Variants in FAM184B observed in about 807,000 individuals in gnomAD.
FAM184B encodes the protein protein FAM184B.
In FAM184B, 111 loss-of-function variants were observed where a neutral mutation model predicts 135.9. The ratio of observed to expected loss-of-function variants is 0.82; its 90% CI spans 0.70 to 0.96. The LOEUF (loss-of-function observed/expected upper bound fraction) is 0.96. Among genes scored for constraint, FAM184B ranks in the 40% least tolerant of loss-of-function variants. The pLI, the probability that FAM184B is intolerant of heterozygous loss-of-function variation, is 0.00. For missense variants in FAM184B, 1,375 were observed against 1,323.9 expected (o/e 1.04, Z -0.60); for synonymous variants, 552 against 524.8 (o/e 1.05, Z -0.71).
intron 1 of FAM184B, among the ~76,000 whole-genome samples, chr4:17,764,767 T>C (rs1718621307): frequency 6.8e-6 from 1 of 146,928 alleles, no homozygotes; most frequent in Non-Finnish European, 1.5e-5. Flanking sequence ...GAGCTTGCAT[T>C]AAAATGCAAA....
chr4:17,733,492 G>A (rs1352773940), intron 1 of FAM184B, among the ~76,000 whole-genome samples: 9 of 152,130 alleles, frequency 5.9e-5, no homozygotes, highest in East Asian at 3.9e-4. Flanking sequence ...AAGTCTCAGG[G>A]TACAAAATCA....
intron 11 of FAM184B, among the ~76,000 whole-genome samples, chr4:17,649,894 G>T (rs1386741531): frequency 2.6e-5 from 2 of 76,686 alleles, no homozygotes; most frequent in Admixed American, 2.7e-4. Context: ...CCATCTATCT[G>T]TCTACCCATC....
At chr4:17,695,244 C>T (rs964172381) in intron 5 of FAM184B, among the ~76,000 whole-genome samples, 2 of 151,818 alleles carry the variant, frequency 1.3e-5, no homozygotes, top group African/African-American at 4.8e-5. Context: ...CTCACTGCAC[C>T]CTTGACCACC....
rs1340129831 is a variant in FAM184B, at chr4:17,630,156, G to A, written c.*2376C>T. ...CTGAGTTTAAGGACAGAAATGCAAA[G>A]TGCAGCCTGGGAAAGTGTTTCAACA... is the stretch of plus-strand genomic sequence containing the variant. On this transcript the variant is annotated 3_prime_UTR_variant, in exon 18 of 18. Transcript: ENST00000265018. 1 of 152,182 alleles carries A rather than the reference G, an allele frequency of 6.6e-6. No homozygotes were observed. The highest frequency in any genetic ancestry group is 1.9e-4 in the East Asian group (1 of 5,194). The allele number at this position is 152,182 out of a possible 1,614,324, so 9.4% of individuals were successfully genotyped here.
chr4:17,697,597 C>A (rs1577265462), intron 5 of FAM184B, among the ~76,000 whole-genome samples: 1 of 152,126 alleles, frequency 6.6e-6, no homozygotes, highest in South Asian at 2.1e-4. Flanking sequence ...AACAAAAATT[C>A]ATTATCTTTA....
At chr4:17,689,998 A>G (rs749243585) in intron 6 of FAM184B, among the ~76,000 whole-genome samples, 4 of 151,952 alleles carry the variant, frequency 2.6e-5, no homozygotes, top group Non-Finnish European at 5.9e-5. Flanking sequence ...AAAATACACA[A>G]TTAGCTGGGC....
At chr4:17,639,147 T>C (rs929730516) in intron 14 of FAM184B, 103 bp downstream of exon 14, 24 of 1,258,712 alleles carry the variant, frequency 1.9e-5, no homozygotes, top group Non-Finnish European at 2.2e-6. Context: ...CCCAGGACTT[T>C]CAATTTGAAA....
intron 1 of FAM184B, among the ~76,000 whole-genome samples, chr4:17,765,797 G>A (rs1029301117): frequency 2.0e-5 from 3 of 152,136 alleles, no homozygotes; most frequent in African/African-American, 7.2e-5. Context: ...ACTTAAAGGT[G>A]GTGTGTCCAG....
At chr4:17,660,354 T>C (rs1448897110) in intron 8 of FAM184B, among the ~76,000 whole-genome samples, 7 of 152,172 alleles carry the variant, frequency 4.6e-5, no homozygotes, top group Non-Finnish European at 8.8e-5. Flanking sequence ...ATATCTGTTT[T>C]AGTGGGTTCT....
In FAM184B at chr4:17,652,146, T is replaced by TTTTTTTTTG. The variant is rs762642185; in HGVS notation, c.2191+683_2191+684insCAAAAAAAA. ...TTTAATATCTTTTTTTTTTTTTTTT[T>TTTTTTTTTG]TTGAGTCTTGCACTGTCGCCCAGGC... On this transcript the variant is annotated intron_variant, in intron 11 of 17. Coordinates refer to ENST00000265018, the MANE Select transcript of FAM184B (RefSeq NM_015688.2). Among the ~76,000 whole-genome samples, 60 of 131,918 alleles carry TTTTTTTTTG rather than the reference T, an allele frequency of 4.5e-4. 1 individual carries two copies. The highest frequency in any genetic ancestry group is 9.4e-4 in the East Asian group (4 of 4,246). 86.5% of individuals were successfully genotyped at this position (131,918 alleles called of 152,430 possible).
At chr4:17,644,153 T>C (rs1436051737) in intron 12 of FAM184B, among the ~76,000 whole-genome samples, 1 of 152,172 alleles carries the variant, frequency 6.6e-6, no homozygotes, top group Non-Finnish European at 1.5e-5. Context: ...ATACAGGTCA[T>C]AATCAGTGGT....
intron 1 of FAM184B, among the ~76,000 whole-genome samples, chr4:17,752,405 G>T (rs986030203): frequency 6.6e-6 from 1 of 152,038 alleles, no homozygotes; most frequent in African/African-American, 2.4e-5. Flanking sequence ...AAGAATGAAT[G>T]GTTGGGTGGG....
At chr4:17,759,593 A>G (rs930145668) in intron 1 of FAM184B, among the ~76,000 whole-genome samples, 2 of 152,000 alleles carry the variant, frequency 1.3e-5, no homozygotes, top group Non-Finnish European at 2.9e-5. Flanking sequence ...CCCAGGTTCA[A>G]GTGATTCTCC....
chr4:17,766,180 A>G (rs886290470), intron 1 of FAM184B, among the ~76,000 whole-genome samples: 1 of 152,168 alleles, frequency 6.6e-6, no homozygotes, highest in Non-Finnish European at 1.5e-5. Context: ...ATCTGGCCAC[A>G]CCCACATCCT....
chr4:17,730,647 C>T (rs1468864285), intron 1 of FAM184B, among the ~76,000 whole-genome samples: 4 of 152,048 alleles, frequency 2.6e-5, no homozygotes, highest in Admixed American at 6.6e-5. Context: ...AAAAACAGAG[C>T]AGAAAAACTG....
intron 1 of FAM184B, among the ~76,000 whole-genome samples, chr4:17,728,245 T>A (rs552917414): frequency 8.4e-4 from 128 of 152,134 alleles, no homozygotes; most frequent in Admixed American, 1.4e-3. Flanking sequence ...ACATTGCATA[T>A]CCATCCACAA....
At chr4:17,724,861 G>A (rs981606116) in intron 1 of FAM184B, among the ~76,000 whole-genome samples, 11 of 152,082 alleles carry the variant, frequency 7.2e-5, no homozygotes, top group Admixed American at 3.9e-4. Flanking sequence ...ACCACCCTTC[G>A]TAGGACTCCT....
rs764998949 is a variant in FAM184B at position 17,779,029 on chromosome 4, TAA to T, written c.141+2128_141+2129del. On this transcript the variant is annotated intron_variant, in intron 1 of 17. Coordinates refer to ENST00000265018, the MANE Select transcript of FAM184B (RefSeq NM_015688.2). ...GAGTTAAGTATGTATGTTGAAAAAATAAAAGACGATTCTGAGAAGAATAGAAA... is the reference window on the plus strand; with the variant it reads ...GAGTTAAGTATGTATGTTGAAAAAATAAGACGATTCTGAGAAGAATAGAAA... Among the ~76,000 whole-genome samples, 95 of 151,914 alleles carry T rather than the reference TAA, an allele frequency of 6.3e-4. 3 individuals are homozygous for T. The highest frequency in any genetic ancestry group is 3.5e-4 in the Non-Finnish European group (24 of 67,968).
Position 17,653,221 on chromosome 4 carries a change from G to A in FAM184B, c.2038-238C>T, listed in dbSNP as rs566372958. Among the ~76,000 whole-genome samples the A allele has an allele frequency of 3.6e-4, 54 of 149,584 alleles. 1 individual carries two copies. The highest frequency in any genetic ancestry group is 2.4e-3 in the Admixed American group (37 of 15,266). On this transcript the variant is annotated intron_variant, in intron 10 of 17. Coordinates refer to ENST00000265018, the MANE Select transcript of FAM184B (RefSeq NM_015688.2). ...CAGAGTGGACACCTGTTCTAACCTG[G>A]GCCAATCAAAGTTCCTTTAATGTAA...
Sources: allele counts gnomAD v4.1 joint callset (sites outside exome capture counted in the v4.1 genomes callset), GRCh38; gene constraint gnomAD v4.1.1; transcripts MANE v1.5; gene names NCBI Gene and HGNC (gene_info 2026-07-23, HGNC 2026-07-21).